The following TLL1 variants were observed in gnomAD, a reference collection of about 807,000 sequenced individuals.
TLL1 encodes the protein tolloid-like protein 1.
Under a neutral mutation model 128.2 loss-of-function variants are expected in TLL1, and 49 were observed. The observed-to-expected ratio is 0.38, with a 90% CI of 0.30 to 0.48. The LOEUF is 0.48. Ranked by LOEUF, TLL1 falls within the 20% of genes least tolerant of loss-of-function variation. The pLI is 0.96. For missense variants in TLL1, 1,123 were observed against 1,242.0 expected (o/e 0.90, Z 1.44); for synonymous variants, 454 against 418.8 (o/e 1.08, Z -1.03).
chr4:166,090,718 C>G (rs550128314), intron 18 of TLL1, among the ~76,000 whole-genome samples: 1 of 151,946 alleles, frequency 6.6e-6, no homozygotes, highest in African/African-American at 2.4e-5. Context: ...AGTTTAAGTG[C>G]CTAAGGGTAG....
chr4:166,093,560 G>T (rs1741878148), intron 19 of TLL1, among the ~76,000 whole-genome samples: 1 of 152,150 alleles, frequency 6.6e-6, no homozygotes, highest in African/African-American at 2.4e-5. Context: ...GTTCCCAGGG[G>T]CAGGCAGGAG....
chr4:165,976,150 G>C (rs1735877648), intron 1 of TLL1, among the ~76,000 whole-genome samples: 1 of 150,294 alleles, frequency 6.7e-6, no homozygotes, highest in South Asian at 2.1e-4. Flanking sequence ...TACACACACA[G>C]AGCAACTGAA....
At chr4:165,908,476 A>C (rs1266672683) in intron 1 of TLL1, among the ~76,000 whole-genome samples, 1 of 151,694 alleles carries the variant, frequency 6.6e-6, no homozygotes, top group Non-Finnish European at 1.5e-5. Context: ...CCAGCTACTC[A>C]GGAGACTGAG....
intron 15 of TLL1, 101 bp from the exon 16 acceptor site, chr4:166,065,582 C>CCATTTA: frequency 7.6e-7 from 1 of 1,314,928 alleles, no homozygotes. Context: ...GTTTGACTAC[C>CCATTTA]GTAAGAGTAA....
intron 9 of TLL1, among the ~76,000 whole-genome samples, chr4:166,034,543 G>T (rs573959436): frequency 1.3e-5 from 2 of 152,172 alleles, no homozygotes; most frequent in Admixed American, 6.5e-5. Context: ...TGGCCATAAA[G>T]TGTAGGATGA....
intron 1 of TLL1, among the ~76,000 whole-genome samples, chr4:165,920,251 A>G (rs942274864): frequency 6.6e-6 from 1 of 152,232 alleles, no homozygotes; most frequent in Non-Finnish European, 1.5e-5. Context: ...TAATTTAAAA[A>G]TTACTTGGAC....
chr4:165,967,819 G>A (rs1043515801), intron 1 of TLL1, among the ~76,000 whole-genome samples: 6 of 152,148 alleles, frequency 3.9e-5, no homozygotes, highest in Admixed American at 1.3e-4. Flanking sequence ...AAGGAGTAGA[G>A]CAATGCAAAG....
intron 1 of TLL1, among the ~76,000 whole-genome samples, chr4:165,900,617 TG>T (rs1731939274): frequency 6.6e-6 from 1 of 152,242 alleles, no homozygotes; most frequent in Admixed American, 6.5e-5. Context: ...GTTATTCTGA[TG>T]GACTTCCCTT....
chr4:165,970,147 T>C (rs1735568963), intron 1 of TLL1, among the ~76,000 whole-genome samples: 2 of 152,168 alleles, frequency 1.3e-5, no homozygotes, highest in Admixed American at 6.5e-5. Flanking sequence ...TTAAGAATGT[T>C]TTAGTCTTTG....
chr4:166,052,122 G>A (rs1560837273), intron 12 of TLL1, among the ~76,000 whole-genome samples: 2 of 151,906 alleles, frequency 1.3e-5, no homozygotes, highest in Non-Finnish European at 2.9e-5. Flanking sequence ...AATCATTGAA[G>A]AAATCTGAAA....
intron 6 of TLL1, among the ~76,000 whole-genome samples, chr4:166,005,297 T>G (rs1474607510): frequency 6.6e-6 from 1 of 152,006 alleles, no homozygotes. Context: ...AAGGTGAGTC[T>G]GGACTTCAGG....
chr4:165,933,030 C>A (rs1733599275), intron 1 of TLL1, among the ~76,000 whole-genome samples: 1 of 152,196 alleles, frequency 6.6e-6, no homozygotes, highest in African/African-American at 2.4e-5. Context: ...TCAAAATATT[C>A]TTGCATGAGA....
chr4:165,873,707 G>A lies in TLL1; in HGVS notation c.-198G>A. On this transcript the variant is annotated 5_prime_UTR_variant, in exon 1 of 21. Coordinates refer to ENST00000061240, the MANE Select transcript of TLL1 (RefSeq NM_012464.5). ...CCCTAGCCAACTTCTCCCTGCGACT[G>A]GGGGTAACAGGCAGTGCTTGCCCTC... The A allele has an allele frequency of 3.5e-6, 2 of 572,804 alleles. No homozygotes were observed. The highest frequency in any genetic ancestry group is 3.1e-5 in the Admixed American group (1 of 32,620). 35.5% of individuals were successfully genotyped at this position (572,804 alleles called of 1,614,324 possible).
At chr4:165,884,926 T>C (rs892688645) in intron 1 of TLL1, among the ~76,000 whole-genome samples, 1 of 152,214 alleles carries the variant, frequency 6.6e-6, no homozygotes, top group African/African-American at 2.4e-5. Context: ...AGCACAATTC[T>C]GTTCTTCACA....
chr4:166,100,224 T>A (rs1186067819), intron 20 of TLL1, among the ~76,000 whole-genome samples: 1 of 152,158 alleles, frequency 6.6e-6, no homozygotes, highest in African/African-American at 2.4e-5. Context: ...CCAGTAGCTA[T>A]TGCTTCAGTA....
intron 1 of TLL1, among the ~76,000 whole-genome samples, chr4:165,983,943 C>G (rs1736278912): frequency 6.6e-6 from 1 of 151,736 alleles, no homozygotes; most frequent in Non-Finnish European, 1.5e-5. Context: ...ATTAATAGTA[C>G]TTTACTGCAA....
At chr4:166,037,732 C>T (rs1019624569) in intron 9 of TLL1, among the ~76,000 whole-genome samples, 5 of 151,946 alleles carry the variant, frequency 3.3e-5, no homozygotes, top group African/African-American at 1.2e-4. Context: ...CGCTTCAACC[C>T]GGAAGGCAGA....
At chr4:166,043,556 A>T in intron 12 of TLL1, 137 bp downstream of exon 12, 1 of 1,298,654 alleles carries the variant, frequency 7.7e-7, no homozygotes. Flanking sequence ...TCGCTCATAA[A>T]ATGCAACATC....
At chr4:165,979,657 G>A (rs1460333102) in intron 1 of TLL1, among the ~76,000 whole-genome samples, 1 of 152,064 alleles carries the variant, frequency 6.6e-6, no homozygotes, top group Non-Finnish European at 1.5e-5. Context: ...GCATGGTGCT[G>A]TGCGCCTGTA....
Sources: gnomAD v4.1 joint callset for allele counts (sites outside exome capture counted in the v4.1 genomes callset) on GRCh38, gnomAD v4.1.1 for gene constraint, MANE v1.5 for transcripts, NCBI Gene and HGNC (gene_info 2026-07-23, HGNC 2026-07-21) for gene names.